Variants in CCDC82 observed in about 807,000 individuals in gnomAD.
The protein encoded by CCDC82 is coiled-coil domain containing 82.
A neutral mutation model predicts 60.6 loss-of-function variants in CCDC82; 47 were observed. That is an observed-to-expected ratio of 0.77 (90% CI 0.61 to 0.99). The LOEUF is 0.99. Among genes scored for constraint, CCDC82 ranks in the 50% least tolerant of loss-of-function variants. CCDC82 has a pLI of 0.00. For missense variants in CCDC82, 588 were observed against 633.0 expected (o/e 0.93, Z 0.76); for synonymous variants, 212 against 207.4 (o/e 1.02, Z -0.19).
rs762123824 is a variant in CCDC82 at position 96,383,247 on chromosome 11, A to C, written c.991+22T>G. ...ATATCATGAGAACAATTCATGAAAC[A>C]TTTTCTTAATATTGAACTTACAAAG... On this transcript the variant is annotated intron_variant, in intron 5 of 9. Coordinates refer to ENST00000646818, the MANE Select transcript of CCDC82 (RefSeq NM_024725.4). The C allele has an allele frequency of 5.8e-5, 74 of 1,278,482 alleles. No individual in the cohort carries two copies. In the Admixed American group the frequency reaches 1.2e-3, roughly 21 times the overall value. The allele number at this position is 1,278,482 out of a possible 1,614,324, so 79.2% of individuals were successfully genotyped here. A position where few individuals can be genotyped will look rare whatever the true frequency, so the allele number is the denominator to read the frequency against.
At chr11:96,354,807 G>T (rs1864264375) in intron 9 of CCDC82, 1 of 152,174 alleles carries the variant, frequency 6.6e-6, no homozygotes, top group Non-Finnish European at 1.5e-5. Flanking sequence ...TCAGTGAGGG[G>T]ATTAATGACA....
chr11:96,355,642 A>G (rs1864305423), intron 9 of CCDC82: 1 of 152,150 alleles, frequency 6.6e-6, no homozygotes, highest in Non-Finnish European at 1.5e-5. Flanking sequence ...TTATACTTTT[A>G]ACCAGTTTAG....
chr11:96,365,160 A>AT lies in CCDC82; in HGVS notation c.1210-11_1210-10insA. Reference sequence around the variant, plus strand: ...AATTTTCTACTCGCTCCTGAAAACAAAAAATATAAAAAAAAGTTTAAAAGA... The same window carrying AT: ...AATTTTCTACTCGCTCCTGAAAACAATAAAATATAAAAAAAAGTTTAAAAGA... On this transcript the variant is annotated splice_polypyrimidine_tract_variant and intron_variant, in intron 7 of 9. Transcript: ENST00000646818. The AT allele has an allele frequency of 6.7e-7, 1 of 1,484,304 alleles. No homozygotes were observed. The highest frequency in any genetic ancestry group is 9.1e-7 in the Non-Finnish European group (1 of 1,101,304). 91.9% of individuals were successfully genotyped at this position (1,484,304 alleles called of 1,614,324 possible).
rs944690074 is a variant in CCDC82 at position 96,352,950 on chromosome 11, A to G, written c.*696T>C. ...CTATGGATAAAAATAAATAAAATAC[A>G]TCTTAATCATCAATATATAGACAAA... On this transcript the variant is annotated 3_prime_UTR_variant, in exon 10 of 10. Transcript: ENST00000646818. The G allele has an allele frequency of 2.6e-5, 4 of 152,244 alleles. No individual in the cohort carries two copies. The highest frequency in any genetic ancestry group is 9.6e-5 in the African/African-American group (4 of 41,480). 9.4% of individuals were successfully genotyped at this position (152,244 alleles called of 1,614,324 possible). A position where few individuals can be genotyped will look rare whatever the true frequency, so the allele number is the denominator to read the frequency against.
intron 5 of CCDC82, 53 bp from the exon 6 acceptor site, chr11:96,373,520 GAATAC>G (rs1865400177): frequency 9.5e-7 from 1 of 1,048,850 alleles, no homozygotes; most frequent in South Asian, 1.4e-5. Flanking sequence ...ATAATTTCTT[GAATAC>G]AATAGGTTCC....
chr11:96,356,880 G>A (rs1283498464), intron 9 of CCDC82: 1 of 985,374 alleles, frequency 1.0e-6, no homozygotes, highest in African/African-American at 1.7e-5. Context: ...GCAGGTAAGG[G>A]AAAAAGTAAG....
intron 6 of CCDC82, among the ~76,000 whole-genome samples, chr11:96,372,675 T>C (rs1865341114): frequency 6.9e-6 from 1 of 144,788 alleles, no homozygotes; most frequent in Admixed American, 7.0e-5. Context: ...TATAAACATA[T>C]ATAAATATAA....
chr11:96,353,886 T>TGG, intron 9 of CCDC82, 172 bp from the exon 10 acceptor site: 1 of 484,638 alleles, frequency 2.1e-6, no homozygotes, highest in Non-Finnish European at 3.6e-6. Context: ...AACTCATATA[T>TGG]AACTCATATA....
intron 8 of CCDC82, chr11:96,363,903 C>G (rs1310115765): frequency 6.6e-6 from 1 of 152,124 alleles, no homozygotes. Flanking sequence ...ATAGTTTTCT[C>G]TTACGTGACT....
chr11:96,372,609 A>C (rs1327268955), intron 6 of CCDC82, among the ~76,000 whole-genome samples: 1 of 147,446 alleles, frequency 6.8e-6, no homozygotes, highest in Non-Finnish European at 1.5e-5. Context: ...TGCTAGATGC[A>C]AGAGAAATGG....
intron 9 of CCDC82, chr11:96,357,605 C>A (rs1864413981): frequency 1.0e-6 from 1 of 981,252 alleles, no homozygotes; most frequent in East Asian, 1.1e-4. Context: ...AGTTCTTCCC[C>A]ATATATGATA....
chr11:96,369,249 T>A (rs1007801173), intron 7 of CCDC82, among the ~76,000 whole-genome samples: 3 of 152,220 alleles, frequency 2.0e-5, no homozygotes, highest in Non-Finnish European at 4.4e-5. Context: ...TTTCAATCAT[T>A]TATGTATTAT....
Position 96,379,383 on chromosome 11 carries a change from T to A in CCDC82, c.991+3886A>T, listed in dbSNP as rs561115487. On this transcript the variant is annotated intron_variant, in intron 5 of 9. Coordinates refer to ENST00000646818, the MANE Select transcript of CCDC82 (RefSeq NM_024725.4). ...TTCTCTAATGTTTGAAAAAATCTGATGTCCAATATTTCTCTGAGTCTTGAA... is the reference window on the plus strand; with the variant it reads ...TTCTCTAATGTTTGAAAAAATCTGAAGTCCAATATTTCTCTGAGTCTTGAA... 2.6e-5 allele frequency among the ~76,000 whole-genome samples: 4 copies of A among 151,992 alleles called. No homozygotes were observed. The South Asian group carries it at 8.3e-4, about 32-fold the overall frequency.
At chr11:96,360,436 C>G (rs1342799620) in intron 8 of CCDC82, among the ~76,000 whole-genome samples, 1 of 151,518 alleles carries the variant, frequency 6.6e-6, no homozygotes, top group African/African-American at 2.4e-5. Context: ...ACCTCGTGAT[C>G]TGCCCACCTC....
chr11:96,360,142 TATAG>T (rs1742413473), intron 8 of CCDC82, among the ~76,000 whole-genome samples: 1 of 146,892 alleles, frequency 6.8e-6, no homozygotes, highest in South Asian at 2.1e-4. Flanking sequence ...ATATATTAAA[TATAG>T]ATATTTAAAA....
intron 9 of CCDC82, chr11:96,358,078 T>G: frequency 5.1e-6 from 5 of 985,456 alleles, no homozygotes; most frequent in Non-Finnish European, 4.8e-6. Flanking sequence ...TTTTGTTTTC[T>G]TTCCATCTGC....
At chr11:96,389,579 C>T (rs1866430594) in intron 1 of CCDC82, 1 of 152,378 alleles carries the variant, frequency 6.6e-6, no homozygotes, top group East Asian at 1.9e-4. Context: ...CGAGAAATCA[C>T]CAACCGAGCT....
intron 6 of CCDC82, among the ~76,000 whole-genome samples, chr11:96,372,710 A>T (rs1865347367): frequency 6.9e-6 from 1 of 145,480 alleles, no homozygotes; most frequent in Non-Finnish European, 1.5e-5. Context: ...ATATATATAT[A>T]CATATATATT....
chr11:96,388,181 G>T (rs1443214443), intron 1 of CCDC82: 1 of 152,204 alleles, frequency 6.6e-6, no homozygotes, highest in African/African-American at 2.4e-5. Flanking sequence ...GGGAAGGGAA[G>T]AATGATAACG....
Sources: allele counts gnomAD v4.1 joint callset (sites outside exome capture counted in the v4.1 genomes callset), GRCh38; gene constraint gnomAD v4.1.1; transcripts MANE v1.5; gene names NCBI Gene and HGNC (gene_info 2026-07-23, HGNC 2026-07-21).